The following BAIAP2 variants were observed in gnomAD, a reference collection of about 807,000 sequenced individuals.
BAIAP2 encodes the protein BAR/IMD domain containing adaptor protein 2.
In BAIAP2, 18 loss-of-function variants were observed where a neutral mutation model predicts 63.0. That is an observed-to-expected ratio of 0.29 (90% CI 0.20 to 0.42). The LOEUF is 0.42. BAIAP2 is among the 10% of genes least tolerant of loss of function. The pLI is 1.00. For missense variants in BAIAP2, 610 were observed against 734.3 expected, an observed-to-expected ratio of 0.83 and a Z score of 1.96; for synonymous variants, 386 against 307.6, an observed-to-expected ratio of 1.25 and a Z score of -2.67.
intron 6 of BAIAP2, among the ~76,000 whole-genome samples, chr17:81,088,047 G>A (rs1009869175): frequency 5.3e-5 from 8 of 152,102 alleles, no homozygotes; most frequent in African/African-American, 1.7e-4. Flanking sequence ...ATAGGTATAT[G>A]TTGGTAGACA....
intron 1 of BAIAP2, among the ~76,000 whole-genome samples, chr17:81,047,545 T>C (rs547606231): frequency 9.9e-5 from 15 of 151,666 alleles, no homozygotes; most frequent in Admixed American, 3.3e-4. Flanking sequence ...GGTAAACACG[T>C]TCATGCCCAC....
intron 6 of BAIAP2, among the ~76,000 whole-genome samples, chr17:81,096,934 A>AG (rs2057718729): frequency 6.6e-6 from 1 of 152,104 alleles, no homozygotes; most frequent in African/African-American, 2.4e-5. Flanking sequence ...GTGGAGGAGG[A>AG]GGAGGTGGAG....
At chr17:81,086,879 C>G (rs2055749841) in intron 6 of BAIAP2, 1 of 296,048 alleles carries the variant, frequency 3.4e-6, no homozygotes, top group African/African-American at 2.2e-5. Context: ...CCCATCCCTG[C>G]CCGGGAGTCC....
At chr17:81,108,630 T>A in intron 13 of BAIAP2, 121 bp downstream of exon 13, 3 of 1,304,660 alleles carry the variant, frequency 2.3e-6, no homozygotes, top group Non-Finnish European at 3.3e-6. Context: ...GCCTGGCCCT[T>A]CACCCCTGTC....
chr17:81,072,869 C>T (rs889404480), intron 3 of BAIAP2, among the ~76,000 whole-genome samples: 1 of 152,030 alleles, frequency 6.6e-6, no homozygotes, highest in African/African-American at 2.4e-5. Flanking sequence ...CGGGCTGTCC[C>T]GTGGGCCTCA....
intron 1 of BAIAP2, among the ~76,000 whole-genome samples, chr17:81,042,621 G>C (rs1681207345): frequency 6.6e-6 from 1 of 152,278 alleles, no homozygotes; most frequent in East Asian, 1.9e-4. Flanking sequence ...GCTTGTCATG[G>C]CTGCCCCAGT....
intron 7 of BAIAP2, among the ~76,000 whole-genome samples, chr17:81,101,941 C>T (rs933322800): frequency 5.3e-5 from 8 of 152,216 alleles, no homozygotes; most frequent in South Asian, 2.1e-4. Flanking sequence ...CGCCCTCTGG[C>T]GGGGGCCAGG....
intron 13 of BAIAP2, chr17:81,109,182 T>TC: frequency 7.1e-7 from 1 of 1,404,274 alleles, no homozygotes; most frequent in African/African-American, 1.5e-5. Flanking sequence ...TGCTGCTCCA[T>TC]CCGCCCCCCC....
intron 1 of BAIAP2, chr17:81,036,162 C>T (rs1485258049): frequency 6.6e-6 from 1 of 150,444 alleles, no homozygotes; most frequent in Non-Finnish European, 1.5e-5. Context: ...TTGGTTTTCT[C>T]TTTCTTCAGC....
intron 7 of BAIAP2, among the ~76,000 whole-genome samples, chr17:81,101,714 CT>C (rs2058513264): frequency 6.6e-6 from 1 of 152,254 alleles, no homozygotes; most frequent in Non-Finnish European, 1.5e-5. Flanking sequence ...GACAAGTGCT[CT>C]TCCCTCCCTG....
intron 12 of BAIAP2, 159 bp from the exon 13 acceptor site, chr17:81,108,316 T>A: frequency 1.4e-6 from 1 of 723,898 alleles, no homozygotes; most frequent in South Asian, 1.8e-5. Context: ...TCCAGGCAGG[T>A]CTCTGAGTGC....
intron 2 of BAIAP2, among the ~76,000 whole-genome samples, chr17:81,054,893 C>T (rs2049217972): frequency 6.6e-6 from 1 of 152,166 alleles, no homozygotes; most frequent in Non-Finnish European, 1.5e-5. Context: ...CCCGCAGGTG[C>T]CCTTGGCTGA....
chr17:81,110,106 G>A (rs1325752473), intron 13 of BAIAP2: 7 of 985,308 alleles, frequency 7.1e-6, no homozygotes, highest in Admixed American at 6.1e-5. Context: ...GGCACAGCCC[G>A]GCTCAGCCTG....
At position 81,105,741 on chromosome 17, in the gene BAIAP2, C is replaced by T. The variant is rs183298054; in HGVS notation, c.1269-337C>T. 2.3e-4 allele frequency: 57 copies of T among 253,100 alleles called. No homozygotes were observed. In the East Asian group the frequency reaches 6.2e-3, roughly 27 times the overall value. The allele number at this position is 253,100 out of a possible 1,614,324, so 15.7% of individuals were successfully genotyped here. A position where few individuals can be genotyped will look rare whatever the true frequency, so the allele number is the denominator to read the frequency against. ...GCTGCTCCATCTTTCTTCCAGTGGC[C>T]ACTCCAATCTTGGTGCCATCCGTGG... On this transcript the variant is annotated intron_variant, in intron 10 of 13. Transcript: ENST00000428708.
intron 6 of BAIAP2, among the ~76,000 whole-genome samples, chr17:81,093,437 C>T (rs973900455): frequency 2.0e-5 from 3 of 152,288 alleles, no homozygotes; most frequent in Non-Finnish European, 1.5e-5. Flanking sequence ...GGTTACCTTC[C>T]CCTGTTCCCT....
At chr17:81,076,086 C>T (rs2053618354) in intron 3 of BAIAP2, among the ~76,000 whole-genome samples, 2 of 152,152 alleles carry the variant, frequency 1.3e-5, no homozygotes, top group South Asian at 2.1e-4. Context: ...GGCAGGGGCT[C>T]CCCAGAGTAC....
Position 81,106,218 on chromosome 17 carries a change from G to GC in BAIAP2, c.1337+72_1337+73insC, listed in dbSNP as rs2059166399. 4.1e-6 allele frequency: 6 copies of GC among 1,466,090 alleles called. No individual in the cohort carries two copies. The African/African-American group carries it at 7.0e-5, about 17-fold the overall frequency. The allele number at this position is 1,466,090 out of a possible 1,614,324, so 90.8% of individuals were successfully genotyped here. A position where few individuals can be genotyped will look rare whatever the true frequency, so the allele number is the denominator to read the frequency against. ...GGGGCTGTGATGACACCAGGTCCCT[G>GC]GGCTTGGATTGCTCGGCTGGGCTTC... On this transcript the variant is annotated intron_variant, in intron 11 of 13. Coordinates refer to ENST00000428708, the MANE Select transcript of BAIAP2 (RefSeq NM_001144888.2).
chr17:81,086,695 G>A (rs988034255), intron 6 of BAIAP2, 115 bp downstream of exon 6: 3 of 1,245,552 alleles, frequency 2.4e-6, no homozygotes, highest in Non-Finnish European at 3.4e-6. Flanking sequence ...ATCAGACAGA[G>A]GCAGGCTGTG....
At chr17:81,093,593 G>A (rs545324391) in intron 6 of BAIAP2, among the ~76,000 whole-genome samples, 3 of 152,058 alleles carry the variant, frequency 2.0e-5, no homozygotes, top group Non-Finnish European at 2.9e-5. Flanking sequence ...CAGGATCATC[G>A]TGGGGGTCCT....
Sources: allele counts gnomAD v4.1 joint callset (sites outside exome capture counted in the v4.1 genomes callset), GRCh38; gene constraint gnomAD v4.1.1; transcripts MANE v1.5; gene names NCBI Gene and HGNC (gene_info 2026-07-23, HGNC 2026-07-21).